The following PLCL1 variants were observed in gnomAD, a reference collection of about 807,000 sequenced individuals.
The protein encoded by PLCL1 is inactive phospholipase C-like protein 1.
PLCL1 carries 41 observed loss-of-function variants against 84.4 expected under a neutral mutation model. The observed-to-expected ratio is 0.49, with a 90% CI of 0.38 to 0.63. The LOEUF (loss-of-function observed/expected upper bound fraction) is 0.63, where lower values mean the gene tolerates loss of function less well. Among genes scored for constraint, PLCL1 ranks in the 30% least tolerant of loss-of-function variants. The pLI is 0.00. For missense variants in PLCL1, 1,206 were observed against 1,367.8 expected (o/e 0.88, Z 1.87); for synonymous variants, 490 against 488.3 (o/e 1.00, Z -0.05).
At chr2:197,934,353 G>C (rs1689008622) in intron 1 of PLCL1, among the ~76,000 whole-genome samples, 1 of 152,196 alleles carries the variant, frequency 6.6e-6, no homozygotes. Context: ...TGAGTTCATG[G>C]AAGTTTGTAA....
intron 1 of PLCL1, among the ~76,000 whole-genome samples, chr2:197,874,505 T>C (rs919019802): frequency 2.6e-5 from 4 of 152,132 alleles, no homozygotes; most frequent in Non-Finnish European, 5.9e-5. Context: ...GAAAATTAAA[T>C]TATCTGTTTA....
At position 198,083,904 on chromosome 2, in the gene PLCL1, C is replaced by T; in HGVS notation, c.387C>T (p.Arg129=). 6.2e-7 allele frequency: 1 copy of T among 1,614,128 alleles called. No individual in the cohort carries two copies. The highest frequency in any genetic ancestry group is 8.5e-7 in the Non-Finnish European group (1 of 1,180,002). Residue 129 remains arginine, a synonymous_variant, in exon 2 of 6, where the codon CGC becomes CGT. Coordinates refer to ENST00000428675, the MANE Select transcript of PLCL1 (RefSeq NM_006226.4). The part of the protein sequence containing the change: ...CELKKVRPNS[R]IYNRFFTLDT... The stretch of plus-strand genomic sequence containing the variant: ...TGAAGAAAGTCCGGCCAAATTCTCG[C>T]ATTTACAACCGTTTTTTCACTCTGG...
chr2:197,867,333 C>T (rs1265398335), intron 1 of PLCL1, among the ~76,000 whole-genome samples: 1 of 151,600 alleles, frequency 6.6e-6, no homozygotes, highest in Non-Finnish European at 1.5e-5. Flanking sequence ...GCTGTGCTGT[C>T]AGGTGCTATA....
intron 1 of PLCL1, among the ~76,000 whole-genome samples, chr2:197,983,200 C>CTTTTTTTCTTTTTT (rs1690150482): frequency 8.3e-5 from 5 of 60,256 alleles, no homozygotes; most frequent in African/African-American, 3.2e-4. Context: ...CTTTTCTTTT[C>CTTTTTTTCTTTTTT]TTTTTTTTTT....
intron 1 of PLCL1, among the ~76,000 whole-genome samples, chr2:197,879,973 G>A (rs1422150696): frequency 3.3e-5 from 5 of 152,146 alleles, no homozygotes; most frequent in African/African-American, 1.2e-4. Context: ...AACTTGGAAC[G>A]ATTATATTTC....
At chr2:197,995,932 G>A (rs1690453019) in intron 1 of PLCL1, among the ~76,000 whole-genome samples, 1 of 152,184 alleles carries the variant, frequency 6.6e-6, no homozygotes, top group South Asian at 2.1e-4. Context: ...TGTCACATGA[G>A]TTTATGCACA....
chr2:198,010,323 A>T (rs1574244002), intron 1 of PLCL1, among the ~76,000 whole-genome samples: 1 of 151,884 alleles, frequency 6.6e-6, no homozygotes, highest in African/African-American at 2.4e-5. Context: ...GGCTTTTATT[A>T]TGTTGAGGTA....
intron 1 of PLCL1, among the ~76,000 whole-genome samples, chr2:198,036,579 C>T (rs1691554768): frequency 2.0e-5 from 3 of 152,122 alleles, no homozygotes; most frequent in Admixed American, 2.0e-4. Context: ...AATGGATGGA[C>T]ATATAATTTC....
At chr2:197,814,899 TA>T (rs1024540625) in intron 1 of PLCL1, among the ~76,000 whole-genome samples, 1 of 152,136 alleles carries the variant, frequency 6.6e-6, no homozygotes, top group African/African-American at 2.4e-5. Flanking sequence ...TGAAGGCTGA[TA>T]GGGGCGAGGA....
chr2:197,890,920 G>T (rs1688015225), intron 1 of PLCL1, among the ~76,000 whole-genome samples: 1 of 148,466 alleles, frequency 6.7e-6, no homozygotes, highest in South Asian at 2.1e-4. Context: ...TATATCCTGG[G>T]TATCCTTCCA....
chr2:197,898,391 G>A (rs79035261), intron 1 of PLCL1, among the ~76,000 whole-genome samples: 756 of 152,258 alleles, frequency 5.0e-3, no homozygotes, highest in Non-Finnish European at 8.9e-3. Flanking sequence ...GCCAGATCCC[G>A]TTCTTGGGCT....
chr2:197,846,324 G>A (rs369061929), intron 1 of PLCL1, among the ~76,000 whole-genome samples: 2 of 152,194 alleles, frequency 1.3e-5, no homozygotes, highest in African/African-American at 4.8e-5. Flanking sequence ...GATTCATATA[G>A]AGATCATTAT....
At chr2:197,969,712 G>A (rs1396049454) in intron 1 of PLCL1, among the ~76,000 whole-genome samples, 1 of 152,078 alleles carries the variant, frequency 6.6e-6, no homozygotes, top group East Asian at 1.9e-4. Flanking sequence ...ACCATCTTTG[G>A]CCAAATGACT....
chr2:198,041,762 A>G (rs1416045484), intron 1 of PLCL1, among the ~76,000 whole-genome samples: 1 of 152,216 alleles, frequency 6.6e-6, no homozygotes, highest in Non-Finnish European at 1.5e-5. Context: ...GGATACGAAC[A>G]TAGCCATGAA....
intron 1 of PLCL1, among the ~76,000 whole-genome samples, chr2:197,926,471 C>G (rs1304707848): frequency 6.6e-6 from 1 of 152,160 alleles, no homozygotes; most frequent in Non-Finnish European, 1.5e-5. Flanking sequence ...TGGCCATTCA[C>G]CATCCCATTT....
chr2:198,112,495 A>G (rs1693646116), intron 5 of PLCL1, among the ~76,000 whole-genome samples: 2 of 151,852 alleles, frequency 1.3e-5, no homozygotes, highest in Admixed American at 1.3e-4. Flanking sequence ...AACTTTACAA[A>G]GGCTATACTC....
rs371065580 is a variant in PLCL1 at position 198,014,580 on chromosome 2, T to C, written c.241-69178T>C. Among the ~76,000 whole-genome samples, 8 of 152,230 alleles carry C rather than the reference T, an allele frequency of 5.3e-5. 1 individual carries two copies. Among genetic ancestry groups the C allele is most frequent in the African/African-American group, 1.9e-4 (8 of 41,568 alleles). On this transcript the variant is annotated intron_variant, in intron 1 of 5. Transcript: ENST00000428675. Reference sequence around the variant, plus strand: ...CTTGTTAATTTTGTTGTTTATGTTATCTTTATTATAACCATGTGGGAAGTT... The same window carrying C: ...CTTGTTAATTTTGTTGTTTATGTTACCTTTATTATAACCATGTGGGAAGTT...
At chr2:198,053,188 G>C (rs1691983596) in intron 1 of PLCL1, among the ~76,000 whole-genome samples, 1 of 152,198 alleles carries the variant, frequency 6.6e-6, no homozygotes, top group African/African-American at 2.4e-5. Context: ...ACATGTAAGA[G>C]TGAATTTATC....
At chr2:198,058,905 G>A (rs1368727572) in intron 1 of PLCL1, among the ~76,000 whole-genome samples, 1 of 152,154 alleles carries the variant, frequency 6.6e-6, no homozygotes, top group Non-Finnish European at 1.5e-5. Context: ...TTATAGAGCA[G>A]GATATGACTT....
Sources: allele counts gnomAD v4.1 joint callset (sites outside exome capture counted in the v4.1 genomes callset), GRCh38; gene constraint gnomAD v4.1.1; transcripts MANE v1.5; gene names NCBI Gene and HGNC (gene_info 2026-07-23, HGNC 2026-07-21).